The following KIAA0232 variants were observed in gnomAD, a reference collection of about 807,000 sequenced individuals.
KIAA0232 encodes KIAA0232.
In KIAA0232, 27 loss-of-function variants were observed where a neutral mutation model predicts 122.0. That is an observed-to-expected ratio of 0.22 (90% CI 0.16 to 0.31). The LOEUF (loss-of-function observed/expected upper bound fraction) is 0.31, where lower values mean the gene tolerates loss of function less well. Among genes scored for constraint, KIAA0232 ranks in the 10% least tolerant of loss-of-function variants. The probability of loss-of-function intolerance (pLI) is 1.00; values close to 1 mark genes in which losing one functional copy is unlikely to be tolerated. For synonymous variants in KIAA0232, 613 were observed against 587.6 expected, an observed-to-expected ratio of 1.04 and a Z score of -0.63; for missense variants, 1,551 against 1,634.2, an observed-to-expected ratio of 0.95 and a Z score of 0.88.
intron 1 of KIAA0232, among the ~76,000 whole-genome samples, chr4:6,789,267 G>A (rs971475469): frequency 6.6e-6 from 1 of 151,174 alleles, no homozygotes; most frequent in Admixed American, 6.6e-5. Flanking sequence ...CACCATGCCC[G>A]GCCTTTTCTT....
rs10716163 is a variant in KIAA0232 at position 6,791,315 on chromosome 4, C to CTTTTTTTT, written c.-354+8495_-354+8502dup. Among the ~76,000 whole-genome samples, 6 of 82,664 alleles carry CTTTTTTTT rather than the reference C, an allele frequency of 7.3e-5. 2 individuals are homozygous for CTTTTTTTT. The highest frequency in any genetic ancestry group is 3.9e-4 in the African/African-American group (6 of 15,550). 54.2% of individuals were successfully genotyped at this position (82,664 alleles called of 152,430 possible). A position where few individuals can be genotyped will look rare whatever the true frequency, so the allele number is the denominator to read the frequency against. On this transcript the variant is annotated intron_variant, in intron 1 of 9. Coordinates refer to ENST00000307659, the MANE Select transcript of KIAA0232 (RefSeq NM_014743.3). ...GGAATACAAGTAGCTGTCATAAAGC[C>CTTTTTTTT]TTTTTTTTTTTTTTTTTTTTTTTTT...
Position 6,807,141 on chromosome 4 carries a change from G to T in KIAA0232, c.-270+2535G>T, listed in dbSNP as rs115963441. Among the ~76,000 whole-genome samples, 1,069 of 152,042 alleles carry T rather than the reference G, an allele frequency of 7.0e-3. 17 individuals carry two copies. The highest frequency in any genetic ancestry group is 0.024 in the African/African-American group (1,013 of 41,444). Reference sequence around the variant, plus strand: ...CCCTGTACGCCTGGGCTCAAGTGTTGTTCCTGCCTCAGCTTCTCCAATAGC... The same window carrying T: ...CCCTGTACGCCTGGGCTCAAGTGTTTTTCCTGCCTCAGCTTCTCCAATAGC... On this transcript the variant is annotated intron_variant, in intron 2 of 9. Transcript: ENST00000307659.
intron 4 of KIAA0232, among the ~76,000 whole-genome samples, chr4:6,845,457 A>G (rs1331066771): frequency 6.6e-6 from 1 of 152,136 alleles, no homozygotes; most frequent in African/African-American, 2.4e-5. Flanking sequence ...CGGCCTCTCA[A>G]ACTGCACGGT....
intron 1 of KIAA0232, among the ~76,000 whole-genome samples, chr4:6,802,343 A>G (rs970617989): frequency 1.3e-5 from 2 of 152,146 alleles, no homozygotes; most frequent in African/African-American, 2.4e-5. Flanking sequence ...GCAGTACTTG[A>G]AGGGGCTGAC....
In KIAA0232 at chr4:6,863,104, G is replaced by C; in HGVS notation, c.2722G>C (p.Gly908Arg). Residue 908 changes from glycine to arginine, a missense_variant, in exon 7 of 10, where the codon GGT (glycine) becomes CGT (arginine). Around this residue, in one of 5 missense-constraint regions of KIAA0232, gnomAD observed 1,108 missense variants for 1,154.8 expected, o/e 0.96. Transcript: ENST00000307659. ...TTCTAGTGAGCTATCAAACGTGGAT[G>C]GTGGTGATTATACAACACCCTCTAA... is the stretch of plus-strand genomic sequence containing the variant. ...FASSELSNVD[G>R]GDYTTPSKPW... 1 of 1,614,212 alleles carries C rather than the reference G, an allele frequency of 6.2e-7. No individual in the cohort carries two copies. Among genetic ancestry groups the C allele is most frequent in the Non-Finnish European group, 8.5e-7 (1 of 1,180,040 alleles).
At chr4:6,830,872 G>GATCACT (rs1718939393) in intron 3 of KIAA0232, among the ~76,000 whole-genome samples, 1 of 151,914 alleles carries the variant, frequency 6.6e-6, no homozygotes, top group East Asian at 1.9e-4. Flanking sequence ...GACAAGACTT[G>GATCACT]GGTGGCTAGG....
At chr4:6,822,162 A>G (rs1718454911) in intron 2 of KIAA0232, among the ~76,000 whole-genome samples, 1 of 152,158 alleles carries the variant, frequency 6.6e-6, no homozygotes. Flanking sequence ...TGTTAAATGA[A>G]TTATGGAAAA....
Position 6,861,935 on chromosome 4 carries a change from T to C in KIAA0232, c.1553T>C (p.Met518Thr), listed in dbSNP as rs1251493440. The change falls in exon 7 of 10, where the codon ATG becomes ACG. Residue 518 changes from methionine (M) to threonine (T), a missense_variant. Around this residue, in one of 5 missense-constraint regions of KIAA0232, gnomAD observed 1,108 missense variants for 1,154.8 expected, o/e 0.96. Coordinates refer to ENST00000307659, the MANE Select transcript of KIAA0232 (RefSeq NM_014743.3). ...HFYEVDIDQSMLDPGASETMQ... is the reference protein window; with the variant it reads ...HFYEVDIDQSTLDPGASETMQ... ...TATGAAGTGGATATTGATCAATCCA[T>C]GTTGGATCCTGGTGCCTCAGAAACA... is the stretch of plus-strand genomic sequence containing the variant. 2 of 1,614,054 alleles carry C rather than the reference T, an allele frequency of 1.2e-6. No homozygotes were observed. The highest frequency in any genetic ancestry group is 1.7e-6 in the Non-Finnish European group (2 of 1,179,930).
At chr4:6,790,294 A>T (rs1220568650) in intron 1 of KIAA0232, among the ~76,000 whole-genome samples, 1 of 150,228 alleles carries the variant, frequency 6.7e-6, no homozygotes, top group Admixed American at 6.6e-5. Context: ...GATAGGGAAA[A>T]CCAGCAGTAA....
At chr4:6,858,120 C>T (rs1399291244) in intron 5 of KIAA0232, among the ~76,000 whole-genome samples, 1 of 152,162 alleles carries the variant, frequency 6.6e-6, no homozygotes. Context: ...GATGTTCTGT[C>T]CTTCTGGTCT....
At chr4:6,870,795 C>G (rs1402785175) in intron 7 of KIAA0232, among the ~76,000 whole-genome samples, 2 of 111,654 alleles carry the variant, frequency 1.8e-5, no homozygotes, top group African/African-American at 7.0e-5. Context: ...GAGTGAGACT[C>G]TGTCTTGGAA....
rs371637563 is a variant in KIAA0232, at chr4:6,863,361, C to G, written c.2979C>G (p.Phe993Leu). Reference sequence around the variant, plus strand: ...GGCACAGGCAGTTATGGAAACCCTTCGTGTCATTTGAACAGAATGATCAGC... The same window carrying G: ...GGCACAGGCAGTTATGGAAACCCTTGGTGTCATTTGAACAGAATGATCAGC... Reference protein sequence around the residue: ...APGHRQLWKPFVSFEQNDQPK... With the variant: ...APGHRQLWKPLVSFEQNDQPK... The change falls in exon 7 of 10, where the codon TTC becomes TTG. Residue 993 changes from phenylalanine to leucine, a missense_variant. Coordinates refer to ENST00000307659, the MANE Select transcript of KIAA0232 (RefSeq NM_014743.3). The G allele has an allele frequency of 7.4e-6, 12 of 1,614,098 alleles. No homozygotes were observed. The highest frequency in any genetic ancestry group is 1.0e-5 in the Non-Finnish European group (12 of 1,180,000).
Position 6,862,320 on chromosome 4 carries a change from T to C in KIAA0232, c.1938T>C (p.Ser646=), listed in dbSNP as rs1489342134. Residue 646 remains serine, a synonymous_variant, in exon 7 of 10, where the codon TCT becomes TCC. Transcript: ENST00000307659. ...SDINEGSGIN[S]CFSVFEVQCS... ...TTAATGAAGGATCTGGTATAAACTCTTGTTTTTCAGTGTTTGAAGTGCAAT... is the reference window on the plus strand; with the variant it reads ...TTAATGAAGGATCTGGTATAAACTCCTGTTTTTCAGTGTTTGAAGTGCAAT... 22 of 1,614,050 alleles carry C rather than the reference T, an allele frequency of 1.4e-5. No homozygotes were observed. The highest frequency in any genetic ancestry group is 4.5e-5 in the East Asian group (2 of 44,900).
intron 3 of KIAA0232, among the ~76,000 whole-genome samples, chr4:6,837,562 C>T (rs1296104786): frequency 6.6e-6 from 1 of 152,208 alleles, no homozygotes; most frequent in South Asian, 2.1e-4. Flanking sequence ...CCAAGGCAGG[C>T]GGCTGGGAGG....
chr4:6,836,429 TCTTGTA>T (rs1160997770), intron 3 of KIAA0232, among the ~76,000 whole-genome samples: 1 of 151,670 alleles, frequency 6.6e-6, no homozygotes, highest in Non-Finnish European at 1.5e-5. Flanking sequence ...TCCCCCCATT[TCTTGTA>T]CTTGTAGAAA....
intron 1 of KIAA0232, among the ~76,000 whole-genome samples, chr4:6,802,230 C>T (rs1208448165): frequency 2.6e-5 from 4 of 152,208 alleles, no homozygotes; most frequent in East Asian, 1.9e-4. Context: ...GGAGCTGTCC[C>T]GGCTTGGGCT....
chr4:6,847,156 A>G (rs1039697999), intron 4 of KIAA0232, among the ~76,000 whole-genome samples: 5 of 149,432 alleles, frequency 3.3e-5, no homozygotes, highest in African/African-American at 1.2e-4. Flanking sequence ...TTATTTTCTC[A>G]TTATGTGTGT....
chr4:6,812,315 G>A (rs548770060), intron 2 of KIAA0232, among the ~76,000 whole-genome samples: 5 of 152,280 alleles, frequency 3.3e-5, no homozygotes, highest in African/African-American at 1.2e-4. Context: ...TTGAGCACTT[G>A]AACTGTAGCT....
chr4:6,823,846 A>T (rs1285669278), intron 2 of KIAA0232, among the ~76,000 whole-genome samples: 2 of 152,124 alleles, frequency 1.3e-5, no homozygotes, highest in Non-Finnish European at 2.9e-5. Flanking sequence ...TTTTTTAAAA[A>T]TTTATTTATA....
Sources: gnomAD v4.1 joint callset for allele counts (sites outside exome capture counted in the v4.1 genomes callset) on GRCh38, gnomAD v4.1.1 for gene constraint, gnomAD v4.1.1 regional missense constraint, MANE v1.5 for transcripts, NCBI Gene and HGNC (gene_info 2026-07-23, HGNC 2026-07-21) for gene names.